The following RBFOX1 variants were observed in gnomAD, a reference collection of about 807,000 sequenced individuals.
The protein encoded by RBFOX1 is RNA binding fox-1 homolog 1.
A neutral mutation model predicts 57.7 loss-of-function variants in RBFOX1; 8 were observed. That is an observed-to-expected ratio of 0.14 (90% CI 0.08 to 0.25). The LOEUF (loss-of-function observed/expected upper bound fraction) is 0.25, where lower values mean the gene tolerates loss of function less well. Ranked by LOEUF, RBFOX1 falls within the 10% of genes least tolerant of loss-of-function variation. The pLI is 1.00. For missense variants in RBFOX1, 611 were observed against 548.5 expected (o/e 1.11, Z -1.14); for synonymous variants, 326 against 222.4 (o/e 1.47, Z -4.15).
intron 1 of RBFOX1, among the ~76,000 whole-genome samples, chr16:5,438,171 A>T (rs2067973866): frequency 6.6e-6 from 1 of 152,228 alleles, no homozygotes; most frequent in South Asian, 2.1e-4. Flanking sequence ...TATTAAAGAA[A>T]CAAAGCTTGT....
At chr16:6,869,576 G>A (rs1243320320) in intron 3 of RBFOX1, among the ~76,000 whole-genome samples, 1 of 151,916 alleles carries the variant, frequency 6.6e-6, no homozygotes, top group Non-Finnish European at 1.5e-5. Flanking sequence ...TTTCTGTGCA[G>A]AGTAGGATGA....
chr16:6,883,431 A>C (rs1172668799), intron 3 of RBFOX1, among the ~76,000 whole-genome samples: 1 of 152,220 alleles, frequency 6.6e-6, no homozygotes, highest in Non-Finnish European at 1.5e-5. Flanking sequence ...GTGTTGGTTC[A>C]TAGACATTGT....
At chr16:6,622,596 C>T (rs1177346733) in intron 2 of RBFOX1, among the ~76,000 whole-genome samples, 5 of 152,146 alleles carry the variant, frequency 3.3e-5, no homozygotes, top group Non-Finnish European at 5.9e-5. Flanking sequence ...CTTAAAGCAA[C>T]ATTTGTGGTT....
chr16:6,542,653 C>T (rs1443815345), intron 2 of RBFOX1, among the ~76,000 whole-genome samples: 4 of 151,688 alleles, frequency 2.6e-5, no homozygotes, highest in African/African-American at 7.3e-5. Context: ...CCATGCCTGG[C>T]GGCTAATTTT....
intron 7 of RBFOX1, among the ~76,000 whole-genome samples, chr16:7,593,115 C>T (rs939286067): frequency 1.3e-4 from 20 of 152,030 alleles, no homozygotes; most frequent in Admixed American, 1.1e-3. Context: ...ATGCCTGGCC[C>T]AAAACCTTCT....
At chr16:7,166,758 A>C (rs1201630656) in intron 4 of RBFOX1, among the ~76,000 whole-genome samples, 3 of 151,998 alleles carry the variant, frequency 2.0e-5, no homozygotes, top group Non-Finnish European at 2.9e-5. Flanking sequence ...TCCTTGGATG[A>C]GTGCGCACTG....
intron 1 of RBFOX1, among the ~76,000 whole-genome samples, chr16:5,313,790 C>A (rs2064156641): frequency 6.6e-6 from 1 of 152,088 alleles, no homozygotes; most frequent in Non-Finnish European, 1.5e-5. Flanking sequence ...CCCACTAGGT[C>A]CCTCCCACAA....
intron 1 of RBFOX1, among the ~76,000 whole-genome samples, chr16:6,252,098 TC>T (rs1362927090): frequency 6.6e-6 from 1 of 152,092 alleles, no homozygotes; most frequent in African/African-American, 2.4e-5. Context: ...CATGTTCTTC[TC>T]CAACTTCCCC....
At chr16:5,704,725 C>T (rs2051177967) in intron 3 of RBFOX1, among the ~76,000 whole-genome samples, 1 of 152,144 alleles carries the variant, frequency 6.6e-6, no homozygotes, top group African/African-American at 2.4e-5. Context: ...GGGGGGCTCT[C>T]CCAGGACCCC....
At chr16:6,687,727 G>C (rs76048741) in intron 3 of RBFOX1, among the ~76,000 whole-genome samples, 4 of 152,126 alleles carry the variant, frequency 2.6e-5, no homozygotes, top group African/African-American at 9.7e-5. Context: ...GGAGGACAGA[G>C]GATGGAAGGC....
intron 1 of RBFOX1, among the ~76,000 whole-genome samples, chr16:6,283,543 C>T (rs923121871): frequency 1.3e-5 from 2 of 151,994 alleles, no homozygotes; most frequent in Non-Finnish European, 2.9e-5. Flanking sequence ...AGGTATTACC[C>T]AGCCTCAAAA....
At chr16:7,176,072 C>G (rs1220823197) in intron 4 of RBFOX1, among the ~76,000 whole-genome samples, 2 of 151,842 alleles carry the variant, frequency 1.3e-5, no homozygotes, top group Non-Finnish European at 2.9e-5. Flanking sequence ...GCAGTCTCCA[C>G]TCACAGACCG....
chr16:7,225,022 C>A (rs540170802), intron 4 of RBFOX1, among the ~76,000 whole-genome samples: 8 of 152,186 alleles, frequency 5.3e-5, no homozygotes, highest in Non-Finnish European at 5.9e-5. Context: ...TTGTGACATA[C>A]TTCTCCTTAA....
chr16:6,165,040 C>A (rs953230417), intron 1 of RBFOX1, among the ~76,000 whole-genome samples: 3 of 152,006 alleles, frequency 2.0e-5, no homozygotes, highest in Admixed American at 6.6e-5. Flanking sequence ...TTAACTTAAG[C>A]ATTTGGATTC....
chr16:5,906,727 C>CTTTTTTTTTTTT (rs57589514), intron 4 of RBFOX1, among the ~76,000 whole-genome samples: 1 of 71,484 alleles, frequency 1.4e-5, no homozygotes, highest in Non-Finnish European at 2.5e-5. Context: ...ATCCTAGATT[C>CTTTTTTTTTTTT]TTTTTTTTTT....
intron 4 of RBFOX1, among the ~76,000 whole-genome samples, chr16:7,517,484 G>C (rs2076617189): frequency 6.6e-6 from 1 of 151,616 alleles, no homozygotes; most frequent in African/African-American, 2.4e-5. Flanking sequence ...GTCCAAATTA[G>C]GCCCTGAATT....
intron 14 of RBFOX1, among the ~76,000 whole-genome samples, chr16:7,687,252 T>G (rs929843404): frequency 4.3e-4 from 66 of 152,070 alleles, no homozygotes; most frequent in African/African-American, 1.5e-3. Context: ...TGAATGGGAT[T>G]TGTACCATTC....
chr16:5,649,672 C>T (rs1022012162), intron 3 of RBFOX1, among the ~76,000 whole-genome samples: 1 of 152,162 alleles, frequency 6.6e-6, no homozygotes, highest in African/African-American at 2.4e-5. Flanking sequence ...TTTTTTGGTA[C>T]TTTACAATTA....
At chr16:6,704,612 A>T in intron 3 of RBFOX1, 1 of 152,654 alleles carries the variant, frequency 6.6e-6, no homozygotes, top group Middle Eastern at 2.3e-3. Context: ...TGGAGCCAAG[A>T]GGGGTGGGGG....
Sources: gnomAD v4.1 joint callset for allele counts (sites outside exome capture counted in the v4.1 genomes callset) on GRCh38, gnomAD v4.1.1 for gene constraint, MANE v1.5 for transcripts, NCBI Gene and HGNC (gene_info 2026-07-23, HGNC 2026-07-21) for gene names.